The following DYNC2H1 variants were observed in gnomAD, a reference collection of about 807,000 sequenced individuals.
The protein encoded by DYNC2H1 is dynein cytoplasmic 2 heavy chain 1.
DYNC2H1 carries 410 observed loss-of-function variants against 570.0 expected under a neutral mutation model. That is an observed-to-expected ratio of 0.72 (90% CI 0.66 to 0.78). The LOEUF (loss-of-function observed/expected upper bound fraction) is 0.78. Ranked by LOEUF, DYNC2H1 falls within the 30% of genes least tolerant of loss-of-function variation. The pLI is 0.00. For synonymous variants in DYNC2H1, 1,688 were observed against 1,677.6 expected (o/e 1.01, Z -0.15); for missense variants, 4,865 against 5,046.4 (o/e 0.96, Z 1.09).
chr11:103,219,712 T>C (rs1863514760), intron 55 of DYNC2H1, among the ~76,000 whole-genome samples: 1 of 152,212 alleles, frequency 6.6e-6, no homozygotes, highest in Non-Finnish European at 1.5e-5. Flanking sequence ...ATTAAAGCAC[T>C]GAAACCTTTC....
intron 70 of DYNC2H1, among the ~76,000 whole-genome samples, chr11:103,265,707 G>A (rs538486094): frequency 5.3e-5 from 8 of 152,270 alleles, no homozygotes; most frequent in Admixed American, 5.2e-4. Context: ...TTGCTGGAAA[G>A]GTGATGAAGT....
At chr11:103,214,449 T>C (rs980720317) in intron 54 of DYNC2H1, among the ~76,000 whole-genome samples, 2 of 147,934 alleles carry the variant, frequency 1.4e-5, no homozygotes, top group Admixed American at 7.0e-5. Context: ...TCTTCTTCTT[T>C]TTTTTTTTTT....
chr11:103,381,269 A>C (rs563621745), intron 83 of DYNC2H1, among the ~76,000 whole-genome samples: 1 of 152,198 alleles, frequency 6.6e-6, no homozygotes, highest in African/African-American at 2.4e-5. Flanking sequence ...GAGATCCTAT[A>C]TGAATCTAAT....
At chr11:103,432,518 G>T (rs1381880708) in intron 84 of DYNC2H1, among the ~76,000 whole-genome samples, 1 of 152,120 alleles carries the variant, frequency 6.6e-6, no homozygotes, top group Non-Finnish European at 1.5e-5. Context: ...TAGGCCAAAT[G>T]TGTTGTTGAT....
intron 12 of DYNC2H1, 88 bp from the exon 13 acceptor site, chr11:103,128,822 A>G (rs1859124811): frequency 8.6e-7 from 1 of 1,161,220 alleles, no homozygotes; most frequent in Non-Finnish European, 1.2e-6. Flanking sequence ...TAGGATTGAG[A>G]AAAGTTAACA....
intron 85 of DYNC2H1, among the ~76,000 whole-genome samples, chr11:103,436,564 C>G (rs1355274706): frequency 6.6e-6 from 1 of 152,052 alleles, no homozygotes; most frequent in Non-Finnish European, 1.5e-5. Flanking sequence ...GTTGCACCAG[C>G]TTCACAAAAG....
chr11:103,359,461 C>T (rs1378446410), intron 83 of DYNC2H1, among the ~76,000 whole-genome samples: 1 of 152,122 alleles, frequency 6.6e-6, no homozygotes, highest in African/African-American at 2.4e-5. Flanking sequence ...GATTTTATGG[C>T]TAGTCTCTCT....
At chr11:103,364,030 A>G (rs1940779358) in intron 83 of DYNC2H1, among the ~76,000 whole-genome samples, 1 of 152,206 alleles carries the variant, frequency 6.6e-6, no homozygotes, top group East Asian at 1.9e-4. Flanking sequence ...ATGTCTGGCT[A>G]TTCTAGATAT....
rs1246149919 is a variant in DYNC2H1 at position 103,176,372 on chromosome 11, G to C, written c.5812G>C (p.Glu1938Gln). 3.1e-6 allele frequency: 5 copies of C among 1,594,670 alleles called. No homozygotes were observed. The highest frequency in any genetic ancestry group is 1.3e-5 in the African/African-American group (1 of 74,250). ...GIELKEVEYD[E>Q]LSAALKQVFE... ...TGAATTGAAAGAAGTGGAATATGAT[G>C]AACTAAGTGCTGCATTAAAGCAGGT... is the stretch of plus-strand genomic sequence containing the variant. Residue 1938 changes from glutamate (E) to glutamine (Q), a missense_variant, in exon 37 of 89, where the codon GAA becomes CAA. Glu to Gln is a conservative substitution (Grantham distance 29, BLOSUM62 2). Around this residue, in one of 5 missense-constraint regions of DYNC2H1, gnomAD observed 292 missense variants for 300.2 expected, o/e 0.97. Coordinates refer to ENST00000375735, the MANE Select transcript of DYNC2H1 (RefSeq NM_001377.3).
At chr11:103,224,621 T>C (rs1453667743) in intron 59 of DYNC2H1, among the ~76,000 whole-genome samples, 4 of 152,212 alleles carry the variant, frequency 2.6e-5, no homozygotes, top group Non-Finnish European at 5.9e-5. Context: ...GGGGTATATA[T>C]ATACCACATT....
At position 103,137,551 on chromosome 11, in the gene DYNC2H1, A is replaced by G. The variant is rs201251400; in HGVS notation, c.2574+1603A>G. Reference sequence around the variant, plus strand: ...CAGATAGTTGTAGATAAGTGGCCTTATTTCTGAGGGCTCTGTTCTGTTCCA... The same window carrying G: ...CAGATAGTTGTAGATAAGTGGCCTTGTTTCTGAGGGCTCTGTTCTGTTCCA... On this transcript the variant is annotated intron_variant, in intron 17 of 88. Transcript: ENST00000375735. Among the ~76,000 whole-genome samples, 21 of 152,196 alleles carry G rather than the reference A, an allele frequency of 1.4e-4. No individual in the cohort carries two copies. The East Asian group carries it at 3.3e-3, about 24-fold the overall frequency.
At position 103,128,908 on chromosome 11, in the gene DYNC2H1, A is replaced by C; in HGVS notation, c.1858-2A>C. The C allele has an allele frequency of 1.3e-6, 2 of 1,575,232 alleles. No individual in the cohort carries two copies. Among genetic ancestry groups the C allele is most frequent in the Non-Finnish European group, 1.7e-6 (2 of 1,164,724 alleles). On this transcript the variant is annotated splice_acceptor_variant, in intron 12 of 88. Transcript: ENST00000375735. LOFTEE classifies it high-confidence loss of function. ...ATTACTAATTGGACTTTTACTTTGT[A>C]GGTGGCACATTTTTATAATTCTATT...
Position 103,303,173 on chromosome 11 carries a change from A to C in DYNC2H1, c.11176A>C (p.Ile3726Leu). Reference protein sequence around the residue: ...ETLEIEPILIIISPGADPSQE... With the variant: ...ETLEIEPILILISPGADPSQE... ...ACTGGAAATTGAACCCATCTTGATA[A>C]TTATTTCTCCGGGTGCTGATCCTTC... Residue 3726 changes from isoleucine (I) to leucine (L), a missense_variant, in exon 76 of 89, where the codon ATT becomes CTT. Ile to Leu is a conservative substitution (Grantham distance 5). This residue lies in a region of DYNC2H1 where 2,401 missense variants were observed against 2,454.6 expected (regional missense o/e 0.98). Transcript: ENST00000375735. 1.2e-6 allele frequency: 2 copies of C among 1,612,666 alleles called. No homozygotes were observed. The highest frequency in any genetic ancestry group is 1.7e-6 in the Non-Finnish European group (2 of 1,179,058).
At chr11:103,451,307 A>C (rs1197825848) in intron 85 of DYNC2H1, among the ~76,000 whole-genome samples, 1 of 148,240 alleles carries the variant, frequency 6.7e-6, no homozygotes, top group African/African-American at 2.5e-5. Context: ...CAAGAAATGA[A>C]TCACTGAGTA....
intron 84 of DYNC2H1, among the ~76,000 whole-genome samples, chr11:103,428,518 T>C (rs1943762687): frequency 6.6e-6 from 1 of 152,298 alleles, no homozygotes; most frequent in African/African-American, 2.4e-5. Context: ...ATTTACTGTG[T>C]TAACCATTTT....
intron 70 of DYNC2H1, among the ~76,000 whole-genome samples, chr11:103,266,807 GC>G (rs1240915919): frequency 6.6e-6 from 1 of 152,168 alleles, no homozygotes; most frequent in Non-Finnish European, 1.5e-5. Context: ...CTGCAAGCAG[GC>G]GTGGCCAGAT....
At chr11:103,175,954 A>G (rs1242999271) in intron 36 of DYNC2H1, among the ~76,000 whole-genome samples, 1 of 152,148 alleles carries the variant, frequency 6.6e-6, no homozygotes, top group Admixed American at 6.6e-5. Context: ...TACTATGCAA[A>G]TATTAGTGAT....
At chr11:103,408,648 T>G (rs979900891) in intron 84 of DYNC2H1, among the ~76,000 whole-genome samples, 1 of 152,072 alleles carries the variant, frequency 6.6e-6, no homozygotes, top group Admixed American at 6.6e-5. Context: ...AATGAACCCT[T>G]AATAGCAGCT....
At chr11:103,221,949 C>T in intron 57 of DYNC2H1, 81 bp from the exon 58 acceptor site, 1 of 1,448,276 alleles carries the variant, frequency 6.9e-7, no homozygotes, top group Non-Finnish European at 9.5e-7. Context: ...GTATTGCATA[C>T]ACCATTTTGT....
Sources: gnomAD v4.1 joint callset for allele counts (sites outside exome capture counted in the v4.1 genomes callset) on GRCh38, gnomAD v4.1.1 for gene constraint, gnomAD v4.1.1 regional missense constraint, MANE v1.5 for transcripts, NCBI Gene and HGNC (gene_info 2026-07-23, HGNC 2026-07-21) for gene names.